The following DLGAP1 variants were observed in gnomAD, a reference collection of about 807,000 sequenced individuals.
DLGAP1 encodes the protein disks large-associated protein 1.
A neutral mutation model predicts 90.8 loss-of-function variants in DLGAP1; 11 were observed. The observed-to-expected ratio is 0.12, with a 90% CI of 0.08 to 0.20. The LOEUF is 0.20. DLGAP1 is among the 10% of genes least tolerant of loss of function. The pLI is 1.00. For missense variants in DLGAP1, 1,050 were observed against 1,333.8 expected (o/e 0.79, Z 3.31); for synonymous variants, 558 against 540.7 (o/e 1.03, Z -0.44).
Position 3,727,744 on chromosome 18 carries a change from T to A in DLGAP1, c.1591+1391A>T, listed in dbSNP as rs1036021373. ...AAAAATATATATATTTTTCTCTTCA[T>A]AAATAACTCTCATTTAATTTATTAA... On this transcript the variant is annotated intron_variant, in intron 7 of 12. Coordinates refer to ENST00000315677, the MANE Select transcript of DLGAP1 (RefSeq NM_004746.4). This position sits in a 1 kb window ranked among gnomAD's most constrained non-coding sequence, Gnocchi z 4.7. The A allele has an allele frequency of 6.6e-6, 1 of 152,226 alleles. No individual in the cohort carries two copies. The highest frequency in any genetic ancestry group is 1.5e-5 in the Non-Finnish European group (1 of 68,042). 9.4% of individuals were successfully genotyped at this position (152,226 alleles called of 1,614,324 possible). A position where few individuals can be genotyped will look rare whatever the true frequency, so the allele number is the denominator to read the frequency against.
intron 3 of DLGAP1, among the ~76,000 whole-genome samples, chr18:4,000,002 T>C (rs1319501473): frequency 3.3e-5 from 5 of 152,090 alleles, no homozygotes; most frequent in Non-Finnish European, 7.4e-5. Flanking sequence ...TTGTAGGGAA[T>C]AGGGTTCTCA....
At chr18:4,405,821 C>T (rs1206007473) in intron 1 of DLGAP1, among the ~76,000 whole-genome samples, 2 of 152,100 alleles carry the variant, frequency 1.3e-5, no homozygotes, top group African/African-American at 4.8e-5. Flanking sequence ...GACTTGCTAC[C>T]GGGGGAAGGT....
chr18:4,132,140 T>C (rs929677958), intron 2 of DLGAP1, among the ~76,000 whole-genome samples: 4 of 152,154 alleles, frequency 2.6e-5, no homozygotes, highest in Non-Finnish European at 2.9e-5. Flanking sequence ...TTTCTTTTAA[T>C]TGAGGATGAA....
Position 3,845,162 on chromosome 18 carries a change from T to G in DLGAP1, c.958-30889A>C, listed in dbSNP as rs1441303035. Reference sequence around the variant, plus strand: ...GTATGTTAAAAGAAAGATGATAGATTAGCACAGAAATCAAGCACAAAGAAA... The same window carrying G: ...GTATGTTAAAAGAAAGATGATAGATGAGCACAGAAATCAAGCACAAAGAAA... On this transcript the variant is annotated intron_variant, in intron 4 of 12. Transcript: ENST00000315677. 23 of 1,569,530 alleles carry G rather than the reference T, an allele frequency of 1.5e-5. No individual in the cohort carries two copies. The Admixed American group carries it at 3.7e-4, about 25-fold the overall frequency.
intron 4 of DLGAP1, among the ~76,000 whole-genome samples, chr18:3,824,637 T>G (rs2067610130): frequency 6.6e-6 from 1 of 152,218 alleles, no homozygotes; most frequent in Admixed American, 6.5e-5. Flanking sequence ...TGAGGCTTAC[T>G]TGTGAATCAT....
intron 1 of DLGAP1, among the ~76,000 whole-genome samples, chr18:4,238,707 G>A (rs1345956865): frequency 1.3e-5 from 2 of 152,102 alleles, no homozygotes; most frequent in Non-Finnish European, 2.9e-5. Flanking sequence ...ATCAAAATAT[G>A]TAACTACCCT....
At chr18:3,531,906 A>C (rs1375857651) in intron 10 of DLGAP1, among the ~76,000 whole-genome samples, 1 of 151,910 alleles carries the variant, frequency 6.6e-6, no homozygotes, top group Non-Finnish European at 1.5e-5. Flanking sequence ...CCTAGGCTAG[A>C]GTGCAGTGGC....
chr18:3,830,515 G>A (rs534473891), intron 4 of DLGAP1, among the ~76,000 whole-genome samples: 4 of 152,330 alleles, frequency 2.6e-5, no homozygotes, highest in African/African-American at 4.8e-5. Flanking sequence ...GCAGGGAGCC[G>A]AGATCTTGCC....
intron 1 of DLGAP1, among the ~76,000 whole-genome samples, chr18:4,191,468 G>A (rs1390695843): frequency 2.0e-5 from 3 of 151,904 alleles, no homozygotes; most frequent in East Asian, 1.9e-4. Context: ...CTTTCCATTC[G>A]CAATACATTA....
intron 2 of DLGAP1, among the ~76,000 whole-genome samples, chr18:4,121,040 T>G (rs553213565): frequency 1.3e-3 from 195 of 152,228 alleles, no homozygotes; most frequent in Non-Finnish European, 2.4e-3. Flanking sequence ...CTGGTTATGG[T>G]GGCTGTTAGG....
At chr18:3,742,949 T>TCTATCTTCCTTCCTTCCTTC (rs144171196) in intron 5 of DLGAP1, among the ~76,000 whole-genome samples, 199 of 142,752 alleles carry the variant, frequency 1.4e-3, no homozygotes, top group African/African-American at 4.6e-3. Context: ...TATCAATTTA[T>TCTATCTTCCTTCCTTCCTTC]CTTCCTTCCT....
Position 4,093,583 on chromosome 18 carries a change from C to CAA in DLGAP1, c.-159+57595_-159+57596dup, listed in dbSNP as rs55668469. ...CCAATCTCTGAACCTAAACATTAAT[C>CAA]AAAAAAAAAAAGGTCTTTGATATAC... On this transcript the variant is annotated intron_variant, in intron 2 of 12. Transcript: ENST00000315677. Among the ~76,000 whole-genome samples the CAA allele has an allele frequency of 1.0e-4, 15 of 149,128 alleles. 1 individual carries two copies. The highest frequency in any genetic ancestry group is 3.3e-4 in the Admixed American group (5 of 14,940).
intron 3 of DLGAP1, chr18:3,978,078 T>G: frequency 2.6e-6 from 1 of 390,802 alleles, no homozygotes; most frequent in Admixed American, 3.3e-5. Context: ...CACAGTTTTC[T>G]GGGTGGCAGT....
intron 1 of DLGAP1, among the ~76,000 whole-genome samples, chr18:4,394,526 T>G (rs1283987997): frequency 1.3e-5 from 2 of 152,144 alleles, no homozygotes; most frequent in Non-Finnish European, 2.9e-5. Context: ...GGAGAAGAAT[T>G]TGGGGGAAAA....
At chr18:4,241,874 C>G (rs573904114) in intron 1 of DLGAP1, among the ~76,000 whole-genome samples, 1 of 152,026 alleles carries the variant, frequency 6.6e-6, no homozygotes, top group East Asian at 1.9e-4. Flanking sequence ...GTTTTCTAAA[C>G]ATTTTTAAAT....
chr18:4,143,259 G>C lies in DLGAP1; in HGVS notation c.-159+7921C>G, dbSNP rs1434234307. On this transcript the variant is annotated intron_variant, in intron 2 of 12. Transcript: ENST00000315677. ...TCTAGGGACACAATCCAGGAGCCAG[G>C]GCCTGGAGTCAGATACTTTAGAAAT... 2.0e-5 allele frequency among the ~76,000 whole-genome samples: 3 copies of C among 152,022 alleles called. No homozygotes were observed. In the East Asian group the frequency reaches 5.8e-4, roughly 30 times the overall value.
chr18:3,540,354 C>T (rs963283615), intron 9 of DLGAP1, among the ~76,000 whole-genome samples: 3 of 151,230 alleles, frequency 2.0e-5, no homozygotes, highest in East Asian at 1.9e-4. Flanking sequence ...ATAGTCCCAG[C>T]TACTCGGGAG....
intron 2 of DLGAP1, among the ~76,000 whole-genome samples, chr18:4,054,657 A>G (rs915255551): frequency 1.3e-5 from 2 of 152,218 alleles, no homozygotes; most frequent in African/African-American, 4.8e-5. Context: ...ATTATACTGA[A>G]GGTACAAGAC....
At chr18:3,790,008 T>C (rs1320959080) in intron 5 of DLGAP1, among the ~76,000 whole-genome samples, 4 of 152,204 alleles carry the variant, frequency 2.6e-5, no homozygotes, top group Non-Finnish European at 4.4e-5. Context: ...CAAATGTTGG[T>C]AAGTTCTTCA....
Sources: allele counts gnomAD v4.1 joint callset (sites outside exome capture counted in the v4.1 genomes callset), GRCh38; gene constraint gnomAD v4.1.1; non-coding constraint Gnocchi (gnomAD v3.1); transcripts MANE v1.5; gene names NCBI Gene and HGNC (gene_info 2026-07-23, HGNC 2026-07-21).